SV2C: variants seen among roughly 807,000 people sequenced by gnomAD.
SV2C encodes synaptic vesicle glycoprotein 2C, also known as solute carrier family 22 member B3.
In SV2C, 49 loss-of-function variants were observed where a neutral mutation model predicts 79.7. The observed-to-expected ratio is 0.61, with a 90% CI of 0.49 to 0.78. The LOEUF is 0.78. Among genes scored for constraint, SV2C ranks in the 30% least tolerant of loss-of-function variants. The pLI, the probability that SV2C is intolerant of heterozygous loss-of-function variation, is 0.00. For synonymous variants in SV2C, 334 were observed against 333.2 expected (o/e 1.00, Z -0.03); for missense variants, 833 against 912.9 (o/e 0.91, Z 1.13).
At chr5:75,976,006 T>C in the SV2C span, among the ~76,000 whole-genome samples, 1 of 152,190 alleles carries the variant, frequency 6.6e-6, no homozygotes, top group South Asian at 2.1e-4. Context: ...AGGATGCACA[T>C]GTACTTACTG....
At chr5:75,992,254 C>G in the SV2C span, among the ~76,000 whole-genome samples, 116 of 152,000 alleles carry the variant, frequency 7.6e-4, 3 homozygotes, top group East Asian at 0.02. Flanking sequence ...ATGATTTTTC[C>G]ATTTTGCCTA....
chr5:76,048,694 T>C, the SV2C span, among the ~76,000 whole-genome samples: 1 of 151,528 alleles, frequency 6.6e-6, no homozygotes, highest in Non-Finnish European at 1.5e-5. Flanking sequence ...GAGTCAGACA[T>C]TTGCACACAT....
At chr5:76,178,955 C>T (rs9293675) in intron 2 of SV2C, among the ~76,000 whole-genome samples, 105,206 of 152,136 alleles carry the variant, frequency 0.69, 37,515 homozygotes, top group East Asian at 0.97. Flanking sequence ...CGAGGTTTTA[C>T]TGATTTTCAA....
chr5:76,199,764 T>C (rs1354591953), intron 3 of SV2C, among the ~76,000 whole-genome samples: 1 of 152,228 alleles, frequency 6.6e-6, no homozygotes, highest in African/African-American at 2.4e-5. Flanking sequence ...TACTCAATTC[T>C]TACTTGATCT....
chr5:75,868,122 C>G, the SV2C span, among the ~76,000 whole-genome samples: 1 of 152,136 alleles, frequency 6.6e-6, no homozygotes, highest in African/African-American at 2.4e-5. Context: ...TGAAGAATAA[C>G]TGGACCACTC....
At chr5:76,072,631 G>T in the SV2C span, among the ~76,000 whole-genome samples, 1 of 152,192 alleles carries the variant, frequency 6.6e-6, no homozygotes, top group Non-Finnish European at 1.5e-5. Flanking sequence ...CCCAGGAGTG[G>T]GATTGCTGGA....
the SV2C span, among the ~76,000 whole-genome samples, chr5:76,005,478 A>G: frequency 6.6e-6 from 1 of 152,264 alleles, no homozygotes; most frequent in East Asian, 1.9e-4. Flanking sequence ...TCCCTGAACA[A>G]TGTTTTCTTT....
At chr5:76,203,246 C>A (rs6865930) in intron 3 of SV2C, among the ~76,000 whole-genome samples, 2 of 151,914 alleles carry the variant, frequency 1.3e-5, no homozygotes, top group East Asian at 3.9e-4. Flanking sequence ...TGCTTCATGC[C>A]TGCACCTCCA....
chr5:76,211,108 T>C (rs1326673368), intron 4 of SV2C, among the ~76,000 whole-genome samples: 2 of 152,090 alleles, frequency 1.3e-5, no homozygotes, highest in Non-Finnish European at 2.9e-5. Context: ...GCACCTTTAC[T>C]CAACTCTTGT....
chr5:76,094,140 AG>A (rs1441485691), intron 1 of SV2C, among the ~76,000 whole-genome samples: 1 of 152,222 alleles, frequency 6.6e-6, no homozygotes, highest in Non-Finnish European at 1.5e-5. Flanking sequence ...CAGCACTATA[AG>A]AAACTGTGAG....
intron 1 of SV2C, among the ~76,000 whole-genome samples, chr5:76,087,580 G>A (rs1747241306): frequency 6.6e-6 from 1 of 152,212 alleles, no homozygotes; most frequent in Admixed American, 6.5e-5. Flanking sequence ...GGGAATTTCT[G>A]AGCCCCATTC....
rs1343745885 is a variant in SV2C, at chr5:76,180,083, T to A, written c.581-14836T>A. Among the ~76,000 whole-genome samples the A allele has an allele frequency of 2.6e-5, 4 of 152,350 alleles. No homozygotes were observed. The East Asian group carries it at 7.7e-4, about 29-fold the overall frequency. On this transcript the variant is annotated intron_variant, in intron 2 of 12. Transcript: ENST00000502798. The stretch of plus-strand genomic sequence containing the variant: ...CCTGTTTTCCTGCCATACACAATCA[T>A]GTTCCCATCATCTAGAAATGCACGG...
intron 3 of SV2C, among the ~76,000 whole-genome samples, chr5:76,202,357 C>T (rs1407143626): frequency 6.6e-6 from 1 of 152,140 alleles, no homozygotes; most frequent in Non-Finnish European, 1.5e-5. Flanking sequence ...AACTGTATGT[C>T]ATAAATGAGG....
At chr5:76,205,199 G>T (rs773265646) in intron 3 of SV2C, among the ~76,000 whole-genome samples, 1 of 151,972 alleles carries the variant, frequency 6.6e-6, no homozygotes, top group Admixed American at 6.6e-5. Context: ...CTGCTTGCCT[G>T]TGCATTGGGG....
intron 1 of SV2C, among the ~76,000 whole-genome samples, chr5:76,106,712 A>G (rs931716119): frequency 1.3e-5 from 2 of 152,086 alleles, no homozygotes; most frequent in African/African-American, 2.4e-5. Flanking sequence ...TCCTTCTTTA[A>G]GTCATTGCCT....
intron 4 of SV2C, among the ~76,000 whole-genome samples, chr5:76,278,008 C>T (rs970171246): frequency 6.6e-6 from 1 of 152,140 alleles, no homozygotes; most frequent in Non-Finnish European, 1.5e-5. Context: ...TAACTAAAAA[C>T]AAATAAAGTT....
At chr5:76,243,355 T>TTGCTAGGATGAGG (rs1745854079) in intron 4 of SV2C, among the ~76,000 whole-genome samples, 1 of 152,194 alleles carries the variant, frequency 6.6e-6, no homozygotes, top group Non-Finnish European at 1.5e-5. Context: ...TGAGGGGATT[T>TTGCTAGGATGAGG]TATTTCCTGG....
the SV2C span, among the ~76,000 whole-genome samples, chr5:76,000,078 C>T: frequency 1.3e-5 from 2 of 152,012 alleles, no homozygotes; most frequent in Non-Finnish European, 2.9e-5. Flanking sequence ...TGGTTGATGT[C>T]GACCCATATA....
intron 12 of SV2C, among the ~76,000 whole-genome samples, chr5:76,352,188 G>A (rs932954750): frequency 1.3e-5 from 2 of 152,134 alleles, no homozygotes; most frequent in African/African-American, 2.4e-5. Flanking sequence ...ACTCCAGCCT[G>A]GGCGACAGAG....
Sources: gnomAD v4.1 joint callset for allele counts (sites outside exome capture counted in the v4.1 genomes callset) on GRCh38, gnomAD v4.1.1 for gene constraint, MANE v1.5 for transcripts, NCBI Gene and HGNC (gene_info 2026-07-23, HGNC 2026-07-21) for gene names.